The following COL27A1 variants were observed in gnomAD, a reference collection of about 807,000 sequenced individuals.
COL27A1 encodes collagen alpha-1(XXVII) chain.
COL27A1 carries 106 observed loss-of-function variants against 251.3 expected under a neutral mutation model. The ratio of observed to expected loss-of-function variants is 0.42; its 90% CI spans 0.36 to 0.50. The LOEUF is 0.50. COL27A1 is among the 20% of genes least tolerant of loss of function. The pLI is 0.00. For synonymous variants in COL27A1, 1,000 were observed against 986.3 expected (o/e 1.01, Z -0.26); for missense variants, 2,325 against 2,522.8 (o/e 0.92, Z 1.68).
At chr9:114,246,672 C>A (rs753739100) in intron 24 of COL27A1, among the ~76,000 whole-genome samples, 1 of 152,206 alleles carries the variant, frequency 6.6e-6, no homozygotes, top group East Asian at 1.9e-4. Flanking sequence ...GGCCGCACCA[C>A]GAAACCCCGT....
At chr9:114,269,974 C>T (rs1835027213) in intron 35 of COL27A1, among the ~76,000 whole-genome samples, 1 of 152,104 alleles carries the variant, frequency 6.6e-6, no homozygotes, top group African/African-American at 2.4e-5. Context: ...GAACTGTTGT[C>T]CAGGGGCGTC....
At position 114,168,214 on chromosome 9, in the gene COL27A1, C is replaced by G; in HGVS notation, c.659C>G (p.Pro220Arg). 6.2e-7 allele frequency: 1 copy of G among 1,614,016 alleles called. No homozygotes were observed. The highest frequency in any genetic ancestry group is 1.3e-5 in the African/African-American group (1 of 75,054). The change falls in exon 3 of 61, where the codon CCT becomes CGT. Residue 220 changes from proline (P) to arginine (R), a missense_variant. Coordinates refer to ENST00000356083, the MANE Select transcript of COL27A1 (RefSeq NM_032888.4). ...EGALCQFSIYPVTQVAHNYCT... is the reference protein window; with the variant it reads ...EGALCQFSIYRVTQVAHNYCT... ...GCTCTCTGCCAGTTCAGTATCTACC[C>G]TGTGACGCAGGTCGCTCACAATTAC... is the stretch of plus-strand genomic sequence containing the variant.
intron 14 of COL27A1, among the ~76,000 whole-genome samples, chr9:114,230,379 T>C (rs1831856675): frequency 6.6e-6 from 1 of 151,604 alleles, no homozygotes; most frequent in African/African-American, 2.4e-5. Flanking sequence ...AGGAGGGGCG[T>C]CATGGGGACA....
intron 23 of COL27A1, among the ~76,000 whole-genome samples, chr9:114,244,573 CA>C (rs768536807): frequency 5.9e-5 from 9 of 152,122 alleles, no homozygotes; most frequent in Non-Finnish European, 7.4e-5. Flanking sequence ...AGGACAGAGC[CA>C]GGGGGAGCGC....
At chr9:114,222,291 AGCAG>A (rs1244945833) in intron 14 of COL27A1, 24 bp downstream of exon 14, 10 of 1,609,482 alleles carry the variant, frequency 6.2e-6, no homozygotes, top group Non-Finnish European at 8.5e-6. Context: ...TGCCTGGGGC[AGCAG>A]GTGGGTGTTG....
At chr9:114,295,980 G>A (rs766878637) in intron 49 of COL27A1, among the ~76,000 whole-genome samples, 2 of 152,154 alleles carry the variant, frequency 1.3e-5, no homozygotes, top group African/African-American at 4.8e-5. Flanking sequence ...GTGCAAAGAC[G>A]ATTCAGCAAA....
intron 7 of COL27A1, among the ~76,000 whole-genome samples, chr9:114,198,423 C>A (rs143210609): frequency 7.2e-5 from 11 of 152,214 alleles, no homozygotes; most frequent in Non-Finnish European, 1.3e-4. Flanking sequence ...GCAGTGGCTC[C>A]CAGCTGGGGA....
chr9:114,303,053 C>T (rs539349344), intron 56 of COL27A1, among the ~76,000 whole-genome samples: 1 of 152,266 alleles, frequency 6.6e-6, no homozygotes, highest in Admixed American at 6.5e-5. Context: ...GCCCTGGCCT[C>T]TCCTCTGCAG....
intron 22 of COL27A1, among the ~76,000 whole-genome samples, chr9:114,242,764 A>G (rs950874645): frequency 6.6e-6 from 1 of 152,250 alleles, no homozygotes; most frequent in Non-Finnish European, 1.5e-5. Context: ...ACCTACTGAG[A>G]TTAGTAATTA....
chr9:114,282,534 TA>T lies in COL27A1; in HGVS notation c.3852del (p.Ser1286ProfsTer281). On this transcript the variant is annotated frameshift_variant, in exon 39 of 61. Coordinates refer to ENST00000356083, the MANE Select transcript of COL27A1 (RefSeq NM_032888.4). LOFTEE classifies it high-confidence loss of function. ...CTGGACCCCCTGGCACTCCAGGCCC[TA>T]AAGGGTCCCGGGGCAGCCTGGGACC... is the stretch of plus-strand genomic sequence containing the variant. ...DPGPPGTPGP[K>X]GSRGSLGPTG... 2 of 1,548,424 alleles carry T rather than the reference TA, an allele frequency of 1.3e-6. No individual in the cohort carries two copies. Among genetic ancestry groups the T allele is most frequent in the Non-Finnish European group, 8.7e-7 (1 of 1,150,842 alleles).
intron 5 of COL27A1, among the ~76,000 whole-genome samples, chr9:114,190,064 C>T (rs1212896742): frequency 6.6e-6 from 1 of 152,172 alleles, no homozygotes; most frequent in Non-Finnish European, 1.5e-5. Context: ...TAGTGAGAGG[C>T]CTAGTGAAAA....
chr9:114,203,436 G>A (rs187347767), intron 7 of COL27A1, among the ~76,000 whole-genome samples: 8 of 152,290 alleles, frequency 5.3e-5, no homozygotes, highest in African/African-American at 1.9e-4. Context: ...GAAGTCATTG[G>A]CTTTGGGTCA....
chr9:114,167,907 C>T lies in COL27A1; in HGVS notation c.352C>T (p.Arg118Cys), dbSNP rs745631704. ...RVNHAFLFAV[R>C]SQKRKLQLGL... ...GAACCATGCCTTCCTCTTCGCTGTC[C>T]GCAGCCAGAAACGCAAGCTGCAGCT... Residue 118 changes from arginine to cysteine, a missense_variant, in exon 3 of 61, where the codon CGC (arginine) becomes TGC (cysteine). Arg to Cys is a radical substitution (Grantham distance 180, BLOSUM62 -3). This residue lies in a region of COL27A1 where 1,183 missense variants were observed against 1,144.1 expected (regional missense o/e 1.03). Coordinates refer to ENST00000356083, the MANE Select transcript of COL27A1 (RefSeq NM_032888.4). 3 of 1,612,608 alleles carry T rather than the reference C, an allele frequency of 1.9e-6. No homozygotes were observed. Among genetic ancestry groups the T allele is most frequent in the Admixed American group, 1.7e-5 (1 of 60,004 alleles).
chr9:114,167,735 G>A lies in COL27A1; in HGVS notation c.180G>A (p.Gly60=), dbSNP rs564819689. 6 of 1,613,722 alleles carry A rather than the reference G, an allele frequency of 3.7e-6. No homozygotes were observed. The highest frequency in any genetic ancestry group is 3.3e-4 in the Middle Eastern group (2 of 6,062). Residue 60 remains glycine (G), a synonymous_variant, in exon 3 of 61, where the codon GGG becomes GGA. Coordinates refer to ENST00000356083, the MANE Select transcript of COL27A1 (RefSeq NM_032888.4). Reference sequence around the variant, plus strand: ...TGGGCCTCAGCTGGACGAAGGCCGGGAGCCCTGCACCCCCGGGAGTCATTC... The same window carrying A: ...TGGGCCTCAGCTGGACGAAGGCCGGAAGCCCTGCACCCCCGGGAGTCATTC... ...QRLGLSWTKA[G]SPAPPGVIPF...
At chr9:114,256,808 CG>C (rs1403800735) in intron 27 of COL27A1, among the ~76,000 whole-genome samples, 2 of 152,186 alleles carry the variant, frequency 1.3e-5, no homozygotes, top group African/African-American at 4.8e-5. Context: ...CATGTGAGCC[CG>C]GGTTCTCCAG....
At chr9:114,265,991 C>T (rs995017214) in intron 32 of COL27A1, among the ~76,000 whole-genome samples, 3 of 152,144 alleles carry the variant, frequency 2.0e-5, no homozygotes, top group African/African-American at 4.8e-5. Context: ...GCTTGCCTTC[C>T]AGAAGATGTC....
At chr9:114,266,503 A>G in intron 32 of COL27A1, 62 bp from the exon 33 acceptor site, 1 of 1,458,288 alleles carries the variant, frequency 6.9e-7, no homozygotes, top group Non-Finnish European at 9.6e-7. Flanking sequence ...TCACCCCTCC[A>G]GATCCCAAAG....
chr9:114,205,825 G>T lies in COL27A1; in HGVS notation c.2223+13G>T, dbSNP rs1173260103. The stretch of plus-strand genomic sequence containing the variant: ...CCCTGGCAGGCAGGTGCAGTATATG[G>T]CTTCTGGAAGCTCTGTGGCCATGGT... On this transcript the variant is annotated intron_variant, in intron 9 of 60. Transcript: ENST00000356083. The T allele has an allele frequency of 1.2e-6, 2 of 1,608,410 alleles. No homozygotes were observed. The highest frequency in any genetic ancestry group is 1.7e-6 in the Non-Finnish European group (2 of 1,177,794).
chr9:114,297,948 T>G (rs1000682279), intron 49 of COL27A1, among the ~76,000 whole-genome samples: 11 of 152,162 alleles, frequency 7.2e-5, no homozygotes, highest in African/African-American at 1.4e-4. Flanking sequence ...ATGAAATTAA[T>G]AAGACATTTC....
Sources: gnomAD v4.1 joint callset for allele counts (sites outside exome capture counted in the v4.1 genomes callset) on GRCh38, gnomAD v4.1.1 for gene constraint, gnomAD v4.1.1 regional missense constraint, MANE v1.5 for transcripts, NCBI Gene and HGNC (gene_info 2026-07-23, HGNC 2026-07-21) for gene names.